UGT2B10: variants seen among roughly 807,000 people sequenced by gnomAD.
UGT2B10 encodes UDP glucuronosyltransferase family 2 member B10, also known as UDP-glucuronosyltransferase 2B10.
In UGT2B10, 51 loss-of-function variants were observed where a neutral mutation model predicts 43.7. That is an observed-to-expected ratio of 1.17 (90% confidence interval 0.93 to 1.47). The LOEUF (loss-of-function observed/expected upper bound fraction) is 1.47. Among genes scored for constraint, UGT2B10 ranks in the 40% most tolerant of loss-of-function variants. The probability of loss-of-function intolerance (pLI) is 0.00; values close to 1 mark genes in which losing one functional copy is unlikely to be tolerated. For missense variants in UGT2B10, 696 were observed against 617.7 expected (o/e 1.13, Z -1.34); for synonymous variants, 225 against 209.0 (o/e 1.08, Z -0.66).
chr4:68,821,874 T>C lies in UGT2B10; in HGVS notation c.868-397T>C, dbSNP rs190145362. Among the ~76,000 whole-genome samples the C allele has an allele frequency of 9.3e-3, 987 of 106,520 alleles. 18 individuals are homozygous for C. Among genetic ancestry groups the C allele is most frequent in the African/African-American group, 0.027 (942 of 34,746 alleles). The allele number at this position is 106,520 out of a possible 152,430, so 69.9% of individuals were successfully genotyped here. A position where few individuals can be genotyped will look rare whatever the true frequency, so the allele number is the denominator to read the frequency against. ...CTGCCTGAAATAAACACAAGTGATT[T>C]AGTAGAACAAAAATATAGATTAAAC... On this transcript the variant is annotated intron_variant, in intron 2 of 5. Transcript: ENST00000265403.
intron 4 of UGT2B10, among the ~76,000 whole-genome samples, chr4:68,826,872 T>C (rs184434192): frequency 2.2e-4 from 33 of 152,232 alleles, no homozygotes; most frequent in African/African-American, 7.5e-4. Context: ...CCAGTGACTG[T>C]ATTTTCTGGA....
chr4:68,820,554 G>A (rs1737441595), intron 2 of UGT2B10, among the ~76,000 whole-genome samples: 1 of 151,774 alleles, frequency 6.6e-6, no homozygotes, highest in African/African-American at 2.4e-5. Context: ...GCCTACAATA[G>A]CACTAAAATG....
intron 2 of UGT2B10, among the ~76,000 whole-genome samples, chr4:68,819,777 A>T (rs906959553): frequency 2.6e-5 from 4 of 152,024 alleles, no homozygotes; most frequent in African/African-American, 9.7e-5. Context: ...TCAATACGAA[A>T]AAAAATTCCG....
chr4:68,820,833 T>C (rs1284746022), intron 2 of UGT2B10, among the ~76,000 whole-genome samples: 1 of 152,158 alleles, frequency 6.6e-6, no homozygotes, highest in Non-Finnish European at 1.5e-5. Context: ...CTTACTGTTA[T>C]AAAATTTCTT....
At chr4:68,819,364 A>C (rs547686499) in intron 2 of UGT2B10, among the ~76,000 whole-genome samples, 5 of 152,078 alleles carry the variant, frequency 3.3e-5, no homozygotes, top group Admixed American at 6.6e-5. Flanking sequence ...GACTTGATTA[A>C]AAGTAGACAT....
intron 2 of UGT2B10, among the ~76,000 whole-genome samples, chr4:68,821,028 T>G (rs1258722944): frequency 6.6e-6 from 1 of 152,082 alleles, no homozygotes; most frequent in African/African-American, 2.4e-5. Context: ...TACAGGTAAC[T>G]GCAATCACAC....
Position 68,816,250 on chromosome 4 carries a change from T to C in UGT2B10, c.231T>C (p.Pro77=), listed in dbSNP as rs1219433763. The part of the protein sequence containing the change: ...DSSTLKLEVY[P]TSLTKTEFEN... ...CCACTCTTAAACTTGAAGTTTATCCTACATCTTTAACTAAAACTGAATTTG... is the reference window on the plus strand; with the variant it reads ...CCACTCTTAAACTTGAAGTTTATCCCACATCTTTAACTAAAACTGAATTTG... The change falls in exon 1 of 6, where the codon CCT becomes CCC. Residue 77 remains proline, a synonymous_variant. Coordinates refer to ENST00000265403, the MANE Select transcript of UGT2B10 (RefSeq NM_001075.6). The C allele has an allele frequency of 6.2e-7, 1 of 1,613,280 alleles. No homozygotes were observed. The highest frequency in any genetic ancestry group is 8.5e-7 in the Non-Finnish European group (1 of 1,179,468).
intron 2 of UGT2B10, 128 bp downstream of exon 2, chr4:68,818,305 C>T: frequency 1.4e-5 from 21 of 1,482,068 alleles, no homozygotes; most frequent in Non-Finnish European, 1.9e-5. Flanking sequence ...AAGCAGATAC[C>T]AATTAGAAAC....
chr4:68,822,519 T>G, intron 3 of UGT2B10, 117 bp downstream of exon 3: 2 of 1,573,556 alleles, frequency 1.3e-6, no homozygotes, highest in Non-Finnish European at 1.7e-6. Context: ...GAATACAACC[T>G]TAAATATGCT....
intron 4 of UGT2B10, among the ~76,000 whole-genome samples, chr4:68,827,075 T>A (rs181718111): frequency 0.011 from 1,684 of 152,126 alleles, 30 homozygotes; most frequent in African/African-American, 0.038. Flanking sequence ...GTGCACATTT[T>A]AAAAATCTAG....
At position 68,830,958 on chromosome 4, in the gene UGT2B10, A is replaced by G; in HGVS notation, c.*79A>G. 6.6e-7 allele frequency: 1 copy of G among 1,506,280 alleles called. No homozygotes were observed. The allele number at this position is 1,506,280 out of a possible 1,614,324, so 93.3% of individuals were successfully genotyped here. ...ATTCCAGCAATAAATATTGTGATGCAAGATTTCTTTCTTCCTGTGACAAAA... is the reference window on the plus strand; with the variant it reads ...ATTCCAGCAATAAATATTGTGATGCGAGATTTCTTTCTTCCTGTGACAAAA... On this transcript the variant is annotated 3_prime_UTR_variant, in exon 6 of 6. Coordinates refer to ENST00000265403, the MANE Select transcript of UGT2B10 (RefSeq NM_001075.6).
intron 3 of UGT2B10, 147 bp from the exon 4 acceptor site, chr4:68,826,263 A>G (rs1737768278): frequency 1.2e-6 from 1 of 840,936 alleles, no homozygotes; most frequent in Non-Finnish European, 1.8e-6. Context: ...TTCAGAAAAT[A>G]AAATGTGGTT....
At chr4:68,820,296 A>T (rs1168798056) in intron 2 of UGT2B10, among the ~76,000 whole-genome samples, 1 of 152,086 alleles carries the variant, frequency 6.6e-6, no homozygotes, top group Admixed American at 6.6e-5. Context: ...TTGCTAAGCC[A>T]GGTTGCTTTC....
Position 68,818,046 on chromosome 4 carries a change from T to A in UGT2B10, c.736T>A (p.Ser246Thr), listed in dbSNP as rs750526338. ...SEVLGRPTTL[S>T]ETMRKADIWL... is the part of the protein sequence containing the mutation. ...CCTATCAGGAAGACCCACTACATTA[T>A]CTGAGACAATGAGGAAAGCTGACAT... is the stretch of plus-strand genomic sequence containing the variant. The change falls in exon 2 of 6, where the codon TCT becomes ACT. Residue 246 changes from serine to threonine, a missense_variant. Coordinates refer to ENST00000265403, the MANE Select transcript of UGT2B10 (RefSeq NM_001075.6). The A allele has an allele frequency of 6.2e-7, 1 of 1,610,872 alleles. No homozygotes were observed. The highest frequency in any genetic ancestry group is 8.5e-7 in the Non-Finnish European group (1 of 1,178,270).
In UGT2B10 at chr4:68,818,126, T is replaced by C. The variant is rs9917968; in HGVS notation, c.816T>C (p.Asn272=). 3.8e-3 allele frequency: 6,191 copies of C among 1,611,730 alleles called. 203 individuals are homozygous for C. In the African/African-American group the frequency reaches 0.071, roughly 18 times the overall value. ...NFKFPHPFLP[N]VDFVGGLHCK... ...AATTTCCTCATCCATTCTTACCAAATGTTGATTTTGTTGGAGGACTCCACT... is the reference window on the plus strand; with the variant it reads ...AATTTCCTCATCCATTCTTACCAAACGTTGATTTTGTTGGAGGACTCCACT... The change falls in exon 2 of 6, where the codon AAT becomes AAC. Residue 272 remains asparagine (N), a synonymous_variant. Coordinates refer to ENST00000265403, the MANE Select transcript of UGT2B10 (RefSeq NM_001075.6).
intron 2 of UGT2B10, among the ~76,000 whole-genome samples, chr4:68,820,297 G>C (rs1338481349): frequency 1.3e-5 from 2 of 151,930 alleles, no homozygotes; most frequent in Non-Finnish European, 2.9e-5. Context: ...TGCTAAGCCA[G>C]GTTGCTTTCT....
intron 2 of UGT2B10, among the ~76,000 whole-genome samples, chr4:68,819,814 G>A (rs564017449): frequency 7.9e-5 from 12 of 151,986 alleles, no homozygotes; most frequent in South Asian, 2.1e-4. Context: ...TATTCTTTTC[G>A]AAGGAATACA....
chr4:68,822,197 T>G (rs1301187910), intron 2 of UGT2B10, 74 bp from the exon 3 acceptor site: 6 of 1,567,316 alleles, frequency 3.8e-6, no homozygotes, highest in African/African-American at 1.4e-5. Flanking sequence ...TTTAATATTT[T>G]GTACCAATTC....
chr4:68,821,506 A>G (rs1737494912), intron 2 of UGT2B10, among the ~76,000 whole-genome samples: 1 of 152,156 alleles, frequency 6.6e-6, no homozygotes, highest in African/African-American at 2.4e-5. Flanking sequence ...TACGTGCTCC[A>G]CCTAAACAAT....
Sources: allele counts gnomAD v4.1 joint callset (sites outside exome capture counted in the v4.1 genomes callset), GRCh38; gene constraint gnomAD v4.1.1; transcripts MANE v1.5; gene names NCBI Gene and HGNC (gene_info 2026-07-23, HGNC 2026-07-21).